The following MMP26 variants were observed in gnomAD, a reference collection of about 807,000 sequenced individuals.
The protein encoded by MMP26 is matrix metallopeptidase 26.
A neutral mutation model predicts 31.0 loss-of-function variants in MMP26; 33 were observed. The ratio of observed to expected loss-of-function variants is 1.06; its 90% CI spans 0.81 to 1.42. The LOEUF (loss-of-function observed/expected upper bound fraction) is 1.42. MMP26 is among the 40% of genes most tolerant of loss of function. The pLI is 0.00. For synonymous variants in MMP26, 122 were observed against 114.9 expected (o/e 1.06, Z -0.40); for missense variants, 347 against 316.1 (o/e 1.10, Z -0.74).
At chr11:4,920,245 CT>C (rs1851163307) in intron 2 of MMP26, among the ~76,000 whole-genome samples, 1 of 152,040 alleles carries the variant, frequency 6.6e-6, no homozygotes, top group African/African-American at 2.4e-5. Context: ...ATTCAGAGAC[CT>C]TTGCCAGCCC....
At chr11:4,891,562 GT>G (rs1238845335) in intron 2 of MMP26, among the ~76,000 whole-genome samples, 1 of 152,150 alleles carries the variant, frequency 6.6e-6, no homozygotes, top group African/African-American at 2.4e-5. Context: ...TTCTAAAGCT[GT>G]TTTTACCCAC....
intron 2 of MMP26, among the ~76,000 whole-genome samples, chr11:4,929,933 T>C (rs1851323266): frequency 6.6e-6 from 1 of 152,094 alleles, no homozygotes; most frequent in Non-Finnish European, 1.5e-5. Context: ...ATTTTGTTTT[T>C]AGAGGACAGC....
chr11:4,826,355 G>A (rs904294149), intron 2 of MMP26, among the ~76,000 whole-genome samples: 1 of 152,102 alleles, frequency 6.6e-6, no homozygotes, highest in Non-Finnish European at 1.5e-5. Context: ...TACCTTGCTA[G>A]AAGACTAGTC....
At chr11:4,871,545 A>C (rs1341816621) in intron 2 of MMP26, among the ~76,000 whole-genome samples, 1 of 152,080 alleles carries the variant, frequency 6.6e-6, no homozygotes, top group Non-Finnish European at 1.5e-5. Flanking sequence ...GAATAAGACA[A>C]AGTAGACTAG....
chr11:4,812,325 A>G (rs1454976439), intron 2 of MMP26, among the ~76,000 whole-genome samples: 1 of 152,142 alleles, frequency 6.6e-6, no homozygotes, highest in Non-Finnish European at 1.5e-5. Context: ...CATTTGTACT[A>G]TATAAAGAGA....
At chr11:4,960,043 C>G (rs995852187) in intron 2 of MMP26, among the ~76,000 whole-genome samples, 4 of 149,818 alleles carry the variant, frequency 2.7e-5, no homozygotes, top group East Asian at 2.0e-4. Flanking sequence ...CCCGCCCCCC[C>G]ACCCAGGAGA....
At chr11:4,768,982 T>C (rs1177542021) in intron 2 of MMP26, 3 of 1,497,782 alleles carry the variant, frequency 2.0e-6, no homozygotes, top group African/African-American at 1.4e-5. Flanking sequence ...TGTCTGTTCA[T>C]TTTGTAAGCA....
At chr11:4,895,666 G>A (rs1348360686) in intron 2 of MMP26, among the ~76,000 whole-genome samples, 1 of 152,218 alleles carries the variant, frequency 6.6e-6, no homozygotes, top group African/African-American at 2.4e-5. Context: ...GCTCATGCCT[G>A]TAATCCCAGC....
chr11:4,953,533 T>A lies in MMP26; in HGVS notation c.-144-34535T>A, dbSNP rs1181869877. Among the ~76,000 whole-genome samples, 2 of 124,888 alleles carry A rather than the reference T, an allele frequency of 1.6e-5. 1 individual carries two copies. The highest frequency in any genetic ancestry group is 5.4e-5 in the African/African-American group (2 of 36,776). The allele number at this position is 124,888 out of a possible 152,430, so 81.9% of individuals were successfully genotyped here. A position where few individuals can be genotyped will look rare whatever the true frequency, so the allele number is the denominator to read the frequency against. Reference sequence around the variant, plus strand: ...TAATACAAGCTTGGGCTAGGTAATTTATGATGAAATTAAGCCAACATTTAA... The same window carrying A: ...TAATACAAGCTTGGGCTAGGTAATTAATGATGAAATTAAGCCAACATTTAA... On this transcript the variant is annotated intron_variant, in intron 2 of 7. Coordinates refer to ENST00000380390, the MANE Select transcript of MMP26 (RefSeq NM_021801.5).
At chr11:4,915,415 G>A (rs761383948) in intron 2 of MMP26, 2 of 1,614,116 alleles carry the variant, frequency 1.2e-6, no homozygotes, top group Admixed American at 3.3e-5. Context: ...GGACTGTAGG[G>A]AGAGTGCAAA....
At chr11:4,891,093 T>C (rs1029914765) in intron 2 of MMP26, among the ~76,000 whole-genome samples, 28 of 151,712 alleles carry the variant, frequency 1.8e-4, no homozygotes, top group Non-Finnish European at 4.0e-4. Context: ...AATTAGTGGT[T>C]TCTCCAATTT....
intron 2 of MMP26, among the ~76,000 whole-genome samples, chr11:4,827,690 C>A (rs902386095): frequency 6.6e-6 from 1 of 151,380 alleles, no homozygotes; most frequent in African/African-American, 2.4e-5. Flanking sequence ...TAAGGGAAAG[C>A]AGAAATGGAG....
intron 2 of MMP26, among the ~76,000 whole-genome samples, chr11:4,784,749 T>C (rs1848911955): frequency 6.6e-6 from 1 of 152,236 alleles, no homozygotes; most frequent in African/African-American, 2.4e-5. Flanking sequence ...AAGTTTGTGG[T>C]AATTTGTCAT....
At chr11:4,766,350 C>T (rs1209396662) in intron 1 of MMP26, among the ~76,000 whole-genome samples, 1 of 152,126 alleles carries the variant, frequency 6.6e-6, no homozygotes, top group African/African-American at 2.4e-5. Context: ...CCTCTGCAAG[C>T]CCAAGGATTA....
At chr11:4,897,183 C>T (rs537293846) in intron 2 of MMP26, among the ~76,000 whole-genome samples, 10 of 151,912 alleles carry the variant, frequency 6.6e-5, no homozygotes, top group Non-Finnish European at 1.2e-4. Flanking sequence ...CTCTGTCGCC[C>T]GGCTGGAGTG....
chr11:4,981,135 G>C (rs1244587097), intron 2 of MMP26, among the ~76,000 whole-genome samples: 2 of 152,034 alleles, frequency 1.3e-5, no homozygotes, highest in Non-Finnish European at 2.9e-5. Flanking sequence ...AGATGGCAAA[G>C]GAGAGTCAAG....
chr11:4,905,617 C>A (rs1284916011), intron 2 of MMP26, among the ~76,000 whole-genome samples: 1 of 152,010 alleles, frequency 6.6e-6, no homozygotes, highest in African/African-American at 2.4e-5. Flanking sequence ...CTTCCATTGG[C>A]TCTACCTTCA....
intron 2 of MMP26, among the ~76,000 whole-genome samples, chr11:4,971,978 A>C (rs1253738110): frequency 6.6e-6 from 1 of 152,172 alleles, no homozygotes; most frequent in African/African-American, 2.4e-5. Flanking sequence ...CACCCACATG[A>C]CACAAACAAC....
intron 2 of MMP26, among the ~76,000 whole-genome samples, chr11:4,883,678 T>C (rs1397148872): frequency 6.6e-6 from 1 of 152,168 alleles, no homozygotes; most frequent in Admixed American, 6.6e-5. Context: ...TTGTTAATTT[T>C]CTACCTAGCT....
Sources: allele counts gnomAD v4.1 joint callset (sites outside exome capture counted in the v4.1 genomes callset), GRCh38; gene constraint gnomAD v4.1.1; transcripts MANE v1.5; gene names NCBI Gene and HGNC (gene_info 2026-07-23, HGNC 2026-07-21).